PTPRO: variants seen among roughly 807,000 people sequenced by gnomAD.
PTPRO encodes the protein protein tyrosine phosphatase receptor type O.
In PTPRO, 62 loss-of-function variants were observed where a neutral mutation model predicts 145.2. The ratio of observed to expected loss-of-function variants is 0.43; its 90% CI spans 0.35 to 0.53. The LOEUF is 0.53. PTPRO is among the 20% of genes least tolerant of loss of function. PTPRO has a pLI of 0.01. For synonymous variants in PTPRO, 565 were observed against 514.7 expected (o/e 1.10, Z -1.32); for missense variants, 1,345 against 1,482.7 (o/e 0.91, Z 1.53).
intron 1 of PTPRO, among the ~76,000 whole-genome samples, chr12:15,377,772 G>T (rs1041751843): frequency 1.3e-5 from 2 of 151,898 alleles, no homozygotes; most frequent in African/African-American, 4.8e-5. Context: ...AAACTTAAAA[G>T]AATTTAAATC....
At chr12:15,509,373 T>C (rs1249496812) in intron 7 of PTPRO, among the ~76,000 whole-genome samples, 1 of 75,082 alleles carries the variant, frequency 1.3e-5, no homozygotes, top group Non-Finnish European at 3.0e-5. Context: ...GCATTCTTGC[T>C]GAAAAAAAAA....
intron 1 of PTPRO, among the ~76,000 whole-genome samples, chr12:15,383,617 T>C (rs1459279806): frequency 6.6e-6 from 1 of 152,132 alleles, no homozygotes; most frequent in Non-Finnish European, 1.5e-5. Context: ...ATTTTAAACA[T>C]GTTAGGGGCA....
At chr12:15,445,420 T>A (rs1246796597) in intron 1 of PTPRO, among the ~76,000 whole-genome samples, 3 of 152,138 alleles carry the variant, frequency 2.0e-5, no homozygotes, top group Admixed American at 2.0e-4. Flanking sequence ...CCTCTGTAAA[T>A]AAAGTACGTA....
intron 1 of PTPRO, among the ~76,000 whole-genome samples, chr12:15,450,737 C>T (rs2136377887): frequency 6.6e-6 from 1 of 152,124 alleles, no homozygotes; most frequent in African/African-American, 2.4e-5. Context: ...CGCACTACTG[C>T]ACTCTAGCCT....
intron 7 of PTPRO, 146 bp downstream of exon 7, chr12:15,508,913 C>T: frequency 1.3e-6 from 1 of 790,370 alleles, no homozygotes; most frequent in Non-Finnish European, 2.1e-6. Flanking sequence ...GCCAGAGGGG[C>T]CAGAAATGAC....
chr12:15,483,884 CA>C, intron 1 of PTPRO, 89 bp from the exon 2 acceptor site: 2 of 1,388,992 alleles, frequency 1.4e-6, no homozygotes, highest in Admixed American at 1.7e-5. Flanking sequence ...TTATGATACA[CA>C]ACAATATGTA....
chr12:15,509,389 C>G (rs1460972728), intron 7 of PTPRO, among the ~76,000 whole-genome samples: 12 of 143,388 alleles, frequency 8.4e-5, no homozygotes, highest in Non-Finnish European at 1.7e-4. Context: ...AAAAAAAAAA[C>G]TTAAAAATGT....
At chr12:15,493,199 A>G (rs1942034141) in intron 2 of PTPRO, among the ~76,000 whole-genome samples, 1 of 152,128 alleles carries the variant, frequency 6.6e-6, no homozygotes, top group Non-Finnish European at 1.5e-5. Flanking sequence ...AACATCTTCA[A>G]AGTACTGAGG....
At chr12:15,527,514 A>G (rs1942866206) in intron 12 of PTPRO, among the ~76,000 whole-genome samples, 1 of 152,216 alleles carries the variant, frequency 6.6e-6, no homozygotes, top group Non-Finnish European at 1.5e-5. Context: ...TCTGCTCTGT[A>G]ACTTGGCCAA....
intron 2 of PTPRO, among the ~76,000 whole-genome samples, chr12:15,492,573 T>C (rs933174829): frequency 1.3e-5 from 2 of 151,828 alleles, no homozygotes; most frequent in Non-Finnish European, 2.9e-5. Context: ...AATAAAAACA[T>C]ATAGAATAAA....
intron 1 of PTPRO, chr12:15,348,712 C>T (rs555098352): frequency 7.3e-5 from 11 of 151,562 alleles, no homozygotes; most frequent in African/African-American, 2.7e-4. Flanking sequence ...ACGTGAACCC[C>T]GGGGGGCGGA....
In PTPRO at chr12:15,546,575, C is replaced by T; in HGVS notation, c.2171C>T (p.Ala724Val). 1 of 1,605,400 alleles carries T rather than the reference C, an allele frequency of 6.2e-7. No homozygotes were observed. The highest frequency in any genetic ancestry group is 8.5e-7 in the Non-Finnish European group (1 of 1,175,284). The change falls in exon 13 of 27, where the codon GCT becomes GTT. Residue 724 changes from alanine (A) to valine (V), a missense_variant. This residue lies in a region of PTPRO where 1,130 missense variants were observed against 1,214.7 expected (regional missense o/e 0.93). Coordinates refer to ENST00000281171, the MANE Select transcript of PTPRO (RefSeq NM_030667.3). ...AAACTTTGTCTTTGCTCAGAACCAG[C>T]TCCACCCAAATCACTCTTCGCAGTG... ...SMLRLVKLEP[A>V]PPKSLFAVNK...
chr12:15,539,637 C>G (rs1362894913), intron 12 of PTPRO, among the ~76,000 whole-genome samples: 1 of 151,512 alleles, frequency 6.6e-6, no homozygotes, highest in Non-Finnish European at 1.5e-5. Flanking sequence ...TCGTAGGTAC[C>G]TGTAATTCCA....
intron 23 of PTPRO, among the ~76,000 whole-genome samples, chr12:15,585,366 A>AAG (rs1420782962): frequency 6.6e-6 from 1 of 152,106 alleles, no homozygotes; most frequent in African/African-American, 2.4e-5. Context: ...ATACTTCCTG[A>AAG]AGAGAGCAGT....
At chr12:15,432,940 C>T (rs1940484779) in intron 1 of PTPRO, among the ~76,000 whole-genome samples, 1 of 152,086 alleles carries the variant, frequency 6.6e-6, no homozygotes, top group African/African-American at 2.4e-5. Context: ...TCCTCCCATT[C>T]TGTAGGTTGT....
intron 1 of PTPRO, among the ~76,000 whole-genome samples, chr12:15,417,412 G>A (rs186272770): frequency 6.6e-6 from 1 of 151,706 alleles, no homozygotes; most frequent in East Asian, 1.9e-4. Flanking sequence ...AACAATAATT[G>A]GATAGATGGT....
chr12:15,440,827 T>C (rs1269601549), intron 1 of PTPRO, among the ~76,000 whole-genome samples: 1 of 152,232 alleles, frequency 6.6e-6, no homozygotes, highest in African/African-American at 2.4e-5. Context: ...CAAGAAGTCT[T>C]GACTCTCATA....
At chr12:15,538,864 A>G (rs1462251664) in intron 12 of PTPRO, among the ~76,000 whole-genome samples, 1 of 152,216 alleles carries the variant, frequency 6.6e-6, no homozygotes, top group Non-Finnish European at 1.5e-5. Flanking sequence ...AAATTGTGTT[A>G]CCATAGCAAA....
At chr12:15,496,583 A>T (rs1942113371) in intron 2 of PTPRO, among the ~76,000 whole-genome samples, 1 of 152,206 alleles carries the variant, frequency 6.6e-6, no homozygotes. Flanking sequence ...CATGGATTTT[A>T]AAAAATGAGT....
Sources: gnomAD v4.1 joint callset for allele counts (sites outside exome capture counted in the v4.1 genomes callset) on GRCh38, gnomAD v4.1.1 for gene constraint, gnomAD v4.1.1 regional missense constraint, MANE v1.5 for transcripts, NCBI Gene and HGNC (gene_info 2026-07-23, HGNC 2026-07-21) for gene names.